CLSTN1: variants seen among roughly 807,000 people sequenced by gnomAD.
CLSTN1 encodes the protein calsyntenin 1, also known as calsyntenin-1.
In CLSTN1, 28 loss-of-function variants were observed where a neutral mutation model predicts 108.3. The ratio of observed to expected loss-of-function variants is 0.26; its 90% CI spans 0.19 to 0.35. The LOEUF is 0.35. Ranked by LOEUF, CLSTN1 falls within the 10% of genes least tolerant of loss-of-function variation. The probability of loss-of-function intolerance (pLI) is 1.00; values close to 1 mark genes in which losing one functional copy is unlikely to be tolerated. For missense variants in CLSTN1, 1,157 were observed against 1,302.6 expected (o/e 0.89, Z 1.72); for synonymous variants, 524 against 534.9 (o/e 0.98, Z 0.28).
At position 9,730,139 on chromosome 1, in the gene CLSTN1, C is replaced by T. The variant is rs188784317; in HGVS notation, c.*369G>A. ...AAAATGATTACCGGGTGGGAGTGAG[C>T]ATGTTTTACCCTTTGTCAACGAGCC... On this transcript the variant is annotated 3_prime_UTR_variant, in exon 19 of 19. Coordinates refer to ENST00000377298, the MANE Select transcript of CLSTN1 (RefSeq NM_001009566.3). This position sits in a 1 kb window ranked among gnomAD's most constrained non-coding sequence, Gnocchi z 5.6. 7 of 301,820 alleles carry T rather than the reference C, an allele frequency of 2.3e-5. No individual in the cohort carries two copies. In the East Asian group the frequency reaches 4.1e-4, roughly 18 times the overall value. 18.7% of individuals were successfully genotyped at this position (301,820 alleles called of 1,614,324 possible).
At chr1:9,822,495 A>C (rs1655224154) in intron 1 of CLSTN1, among the ~76,000 whole-genome samples, 1 of 152,126 alleles carries the variant, frequency 6.6e-6, no homozygotes, top group Non-Finnish European at 1.5e-5. Flanking sequence ...AAATATGACC[A>C]TTTCATCTAG....
At chr1:9,777,573 T>C (rs1557710571) in intron 1 of CLSTN1, among the ~76,000 whole-genome samples, 1 of 152,336 alleles carries the variant, frequency 6.6e-6, no homozygotes, top group South Asian at 2.1e-4. Flanking sequence ...TATTAACTCA[T>C]TTAAAAAACA....
At chr1:9,750,715 C>CAA (rs775430059) in intron 5 of CLSTN1, among the ~76,000 whole-genome samples, 4 of 77,168 alleles carry the variant, frequency 5.2e-5, no homozygotes, top group African/African-American at 8.6e-5. Flanking sequence ...TTCCCTCAAA[C>CAA]AAAAAAAAAA....
At chr1:9,810,042 GAGAGAGAGAA>G (rs1360773255) in intron 1 of CLSTN1, among the ~76,000 whole-genome samples, 51 of 133,920 alleles carry the variant, frequency 3.8e-4, no homozygotes, top group Non-Finnish European at 4.8e-4. Flanking sequence ...CTGAGAAAGA[GAGAGAGAGAA>G]AGAGAGAGAA....
Position 9,730,701 on chromosome 1 carries a change from T to A in CLSTN1, c.2753A>T (p.Tyr918Phe), listed in dbSNP as rs1364464463. 1 of 1,601,710 alleles carries A rather than the reference T, an allele frequency of 6.2e-7. No homozygotes were observed. The highest frequency in any genetic ancestry group is 8.5e-7 in the Non-Finnish European group (1 of 1,176,652). The change falls in exon 19 of 19, where the codon TAT becomes TTT. Residue 918 changes from tyrosine to phenylalanine, a missense_variant. Tyr to Phe is a conservative substitution (Grantham distance 22). Coordinates refer to ENST00000377298, the MANE Select transcript of CLSTN1 (RefSeq NM_001009566.3). This position sits in a 1 kb window ranked among gnomAD's most constrained non-coding sequence, Gnocchi z 5.6. ...CTCCTCACTGCTGTGCTGGTCCTCA[T>A]AGGTCTGGCAAGGAGAAGTGACGGC... ...LTITVNPMET[Y>F]EDQHSSEEEE...
intron 1 of CLSTN1, among the ~76,000 whole-genome samples, chr1:9,798,793 T>C (rs1349292559): frequency 3.3e-5 from 5 of 152,164 alleles, no homozygotes; most frequent in South Asian, 2.1e-4. Flanking sequence ...TCTGTCCTAA[T>C]AACAAGTAAA....
Position 9,730,258 on chromosome 1 carries a change from G to GC in CLSTN1, c.*249dup. The GC allele has an allele frequency of 1.8e-6, 1 of 566,632 alleles. No homozygotes were observed. The highest frequency in any genetic ancestry group is 3.2e-6 in the Non-Finnish European group (1 of 315,100). 35.1% of individuals were successfully genotyped at this position (566,632 alleles called of 1,614,324 possible). A position where few individuals can be genotyped will look rare whatever the true frequency, so the allele number is the denominator to read the frequency against. On this transcript the variant is annotated 3_prime_UTR_variant, in exon 19 of 19. Coordinates refer to ENST00000377298, the MANE Select transcript of CLSTN1 (RefSeq NM_001009566.3). The surrounding 1 kb of genome is among the most constrained non-coding windows in gnomAD (Gnocchi z 5.6). ...AACGCGGGGCCTGAGGCGCTGGGAG[G>GC]CCCCTGTGCGAGCCGGATGGCGGCC...
At chr1:9,740,820 C>T (rs887237330) in intron 10 of CLSTN1, among the ~76,000 whole-genome samples, 19 of 152,184 alleles carry the variant, frequency 1.2e-4, no homozygotes, top group Non-Finnish European at 2.2e-4. Context: ...CCCCACTACA[C>T]GCTCCCTCTG....
At chr1:9,815,757 G>A (rs1196426511) in intron 1 of CLSTN1, among the ~76,000 whole-genome samples, 1 of 152,114 alleles carries the variant, frequency 6.6e-6, no homozygotes. Flanking sequence ...CCAACATGGT[G>A]AAACCCCGTC....
chr1:9,780,379 C>T lies in CLSTN1; in HGVS notation c.92-6985G>A, dbSNP rs148931431. 1.9e-3 allele frequency among the ~76,000 whole-genome samples: 290 copies of T among 152,076 alleles called. 1 individual carries two copies. In the Middle Eastern group the frequency reaches 0.027, roughly 14 times the overall value. On this transcript the variant is annotated intron_variant, in intron 1 of 18. Coordinates refer to ENST00000377298, the MANE Select transcript of CLSTN1 (RefSeq NM_001009566.3). ...TTAGCCCAACGGGGATGTAAAAATA[C>T]CAGGCAGAGCACATTACAGAAAACC... is the stretch of plus-strand genomic sequence containing the variant.
intron 1 of CLSTN1, chr1:9,780,788 CA>C (rs1256317167): frequency 5.8e-6 from 1 of 172,328 alleles, no homozygotes; most frequent in Non-Finnish European, 1.2e-5. Context: ...CATTTCATCA[CA>C]TTCTAGGAGG....
Position 9,810,775 on chromosome 1 carries a change from AAAAAATAAATAAATAAAATT to A in CLSTN1, c.91+12848_91+12867del, listed in dbSNP as rs1299718644. 2.6e-5 allele frequency among the ~76,000 whole-genome samples: 4 copies of A among 152,094 alleles called. No individual in the cohort carries two copies. The East Asian group carries it at 7.7e-4, about 29-fold the overall frequency. The stretch of plus-strand genomic sequence containing the variant: ...GGGCGACACAGTGAGACCCCAACTC[AAAAAATAAATAAATAAAATT>A]AAAAATAAATAAATAAATAAAAATA... On this transcript the variant is annotated intron_variant, in intron 1 of 18. Transcript: ENST00000377298.
intron 2 of CLSTN1, among the ~76,000 whole-genome samples, chr1:9,763,856 T>A (rs1303639334): frequency 6.6e-6 from 1 of 152,104 alleles, no homozygotes; most frequent in African/African-American, 2.4e-5. Flanking sequence ...ACCCACCCTT[T>A]ACAGGACTCA....
rs148737168 is a variant in CLSTN1, at chr1:9,821,246, C to T, written c.91+2397G>A. 4.6e-3 allele frequency among the ~76,000 whole-genome samples: 696 copies of T among 152,344 alleles called. 2 individuals are homozygous for T. The highest frequency in any genetic ancestry group is 0.015 in the African/African-American group (630 of 41,570). On this transcript the variant is annotated intron_variant, in intron 1 of 18. Coordinates refer to ENST00000377298, the MANE Select transcript of CLSTN1 (RefSeq NM_001009566.3). ...CTCCTGGGTTCAAGCAATTCTCCTGCCTCAGCCTCCCAAGTAGCTGGAGTT... is the reference window on the plus strand; with the variant it reads ...CTCCTGGGTTCAAGCAATTCTCCTGTCTCAGCCTCCCAAGTAGCTGGAGTT...
At position 9,743,945 on chromosome 1, in the gene CLSTN1, CG is replaced by C; in HGVS notation, c.1294del (p.Arg432ValfsTer19). ...TTTCTTCTCCTCAGAAGGATCCTGA[CG>C]GAAGAGGAAGATCAGCCGGCACCCG... ...VHGCRLIFLF[R>X]QDPSEEKKYR... On this transcript the variant is annotated frameshift_variant, in exon 9 of 19. Transcript: ENST00000377298. LOFTEE classifies it high-confidence loss of function. 1 of 1,614,106 alleles carries C rather than the reference CG, an allele frequency of 6.2e-7. No homozygotes were observed. The highest frequency in any genetic ancestry group is 8.5e-7 in the Non-Finnish European group (1 of 1,180,008).
chr1:9,813,262 C>A (rs1381505732), intron 1 of CLSTN1, among the ~76,000 whole-genome samples: 1 of 152,090 alleles, frequency 6.6e-6, no homozygotes, highest in Non-Finnish European at 1.5e-5. Flanking sequence ...CTTTGGGAGG[C>A]TGAGGCGGGT....
chr1:9,765,496 A>C (rs1652282134), intron 2 of CLSTN1, among the ~76,000 whole-genome samples: 1 of 151,956 alleles, frequency 6.6e-6, no homozygotes, highest in Admixed American at 6.6e-5. Context: ...AGCCTGGCCA[A>C]TATGGTGAAA....
intron 4 of CLSTN1, 76 bp downstream of exon 4, chr1:9,755,038 T>G (rs529218456): frequency 1.6e-6 from 2 of 1,241,136 alleles, no homozygotes. Context: ...GAGCAGGCAA[T>G]AGTCACTACT....
intron 10 of CLSTN1, among the ~76,000 whole-genome samples, chr1:9,739,300 G>A (rs1053135442): frequency 1.3e-5 from 2 of 152,290 alleles, no homozygotes; most frequent in Admixed American, 6.5e-5. Context: ...AGGGATCCTC[G>A]CACAGCCCTC....
Sources: allele counts gnomAD v4.1 joint callset (sites outside exome capture counted in the v4.1 genomes callset), GRCh38; gene constraint gnomAD v4.1.1; non-coding constraint Gnocchi (gnomAD v3.1); transcripts MANE v1.5; gene names NCBI Gene and HGNC (gene_info 2026-07-23, HGNC 2026-07-21).